Variants in TLK2 observed in about 807,000 individuals in gnomAD.
TLK2 encodes tousled like kinase 2, also known as serine/threonine-protein kinase tousled-like 2.
Under a neutral mutation model 117.3 loss-of-function variants are expected in TLK2, and 6 were observed. That is an observed-to-expected ratio of 0.05 (90% CI 0.03 to 0.10). TLK2 has a LOEUF of 0.10. Ranked by LOEUF, TLK2 falls within the 10% of genes least tolerant of loss-of-function variation. The pLI is 1.00. For synonymous variants in TLK2, 257 were observed against 316.7 expected, an observed-to-expected ratio of 0.81 and a Z score of 2.00; for missense variants, 299 against 901.2, an observed-to-expected ratio of 0.33 and a Z score of 8.56.
intron 2 of TLK2, among the ~76,000 whole-genome samples, chr17:62,501,452 G>A (rs575316508): frequency 2.0e-5 from 3 of 152,034 alleles, no homozygotes; most frequent in Non-Finnish European, 2.9e-5. Context: ...AGAAAACAAG[G>A]CCGGGTGAGG....
intron 2 of TLK2, among the ~76,000 whole-genome samples, chr17:62,501,507 C>T (rs2074192626): frequency 6.6e-6 from 1 of 151,874 alleles, no homozygotes; most frequent in South Asian, 2.1e-4. Context: ...CCAAGGTGGG[C>T]CAATTGCTTG....
chr17:62,515,392 T>C (rs2075498781), intron 2 of TLK2, among the ~76,000 whole-genome samples: 1 of 152,246 alleles, frequency 6.6e-6, no homozygotes, highest in Non-Finnish European at 1.5e-5. Context: ...TTTGAGGAAC[T>C]GCCATAGTTT....
At chr17:62,491,356 C>G (rs886185761) in intron 2 of TLK2, among the ~76,000 whole-genome samples, 1 of 152,006 alleles carries the variant, frequency 6.6e-6, no homozygotes, top group African/African-American at 2.4e-5. Context: ...TTAAGAAAGG[C>G]CATGAGAGGG....
chr17:62,599,775 G>A (rs531907087), intron 17 of TLK2, among the ~76,000 whole-genome samples: 11 of 151,972 alleles, frequency 7.2e-5, no homozygotes, highest in Admixed American at 3.9e-4. Flanking sequence ...TTTTTTCCAG[G>A]CTAAACTGAC....
intron 2 of TLK2, among the ~76,000 whole-genome samples, chr17:62,487,365 C>T (rs2072528565): frequency 6.6e-6 from 1 of 150,526 alleles, no homozygotes; most frequent in Non-Finnish European, 1.5e-5. Context: ...GTTAACCGCC[C>T]TAGAAAGACT....
intron 2 of TLK2, among the ~76,000 whole-genome samples, chr17:62,483,520 T>G (rs77895873): frequency 0.013 from 1,944 of 152,380 alleles, 23 homozygotes; most frequent in Non-Finnish European, 0.023. Context: ...TTTGTTTGTT[T>G]TTGAGAGGGT....
At chr17:62,509,669 C>T (rs1430879474) in intron 2 of TLK2, among the ~76,000 whole-genome samples, 3 of 152,106 alleles carry the variant, frequency 2.0e-5, no homozygotes, top group Non-Finnish European at 4.4e-5. Flanking sequence ...TCAGGTGTTG[C>T]CAGTGTATTA....
Position 62,614,956 on chromosome 17 carries a change from G to GT in TLK2, c.*2397dup, listed in dbSNP as rs1295746066. ...CAATGATCTTGCAGTTGATTTGTTTGTTTTTTAATTTTTTAACATTTTTTT... is the reference window on the plus strand; with the variant it reads ...CAATGATCTTGCAGTTGATTTGTTTGTTTTTTTAATTTTTTAACATTTTTTT... On this transcript the variant is annotated 3_prime_UTR_variant, in exon 22 of 22. Coordinates refer to ENST00000346027, the MANE Select transcript of TLK2 (RefSeq NM_006852.6). 1 of 151,998 alleles carries GT rather than the reference G, an allele frequency of 6.6e-6. No individual in the cohort carries two copies. The highest frequency in any genetic ancestry group is 1.5e-5 in the Non-Finnish European group (1 of 67,992). The allele number at this position is 151,998 out of a possible 1,614,324, so 9.4% of individuals were successfully genotyped here.
At position 62,578,464 on chromosome 17, in the gene TLK2, C is replaced by T; in HGVS notation, c.1189-13C>T. The T allele has an allele frequency of 6.2e-7, 1 of 1,611,746 alleles. No homozygotes were observed. Among genetic ancestry groups the T allele is most frequent in the Non-Finnish European group, 8.5e-7 (1 of 1,178,360 alleles). Reference sequence around the variant, plus strand: ...CCCCCTATTTTGTGCTATTTCTTTCCTTTTCGCTTTAGGAGGAAGCAGAGA... The same window carrying T: ...CCCCCTATTTTGTGCTATTTCTTTCTTTTTCGCTTTAGGAGGAAGCAGAGA... On this transcript the variant is annotated splice_polypyrimidine_tract_variant and intron_variant, in intron 13 of 21. Coordinates refer to ENST00000346027, the MANE Select transcript of TLK2 (RefSeq NM_006852.6).
At chr17:62,544,107 G>A (rs2077732214) in intron 7 of TLK2, among the ~76,000 whole-genome samples, 1 of 152,090 alleles carries the variant, frequency 6.6e-6, no homozygotes, top group African/African-American at 2.4e-5. Context: ...CCATTGAACT[G>A]TCGGCACCGT....
rs532431329 is a variant in TLK2 at position 62,502,645 on chromosome 17, A to G, written c.82-18128A>G. Among the ~76,000 whole-genome samples, 67 of 152,368 alleles carry G rather than the reference A, an allele frequency of 4.4e-4. 2 individuals carry two copies. The South Asian group carries it at 0.013, about 30-fold the overall frequency. ...TTGTACACATAGCCTTAAGCAAGCT[A>G]TAAAAAAGCTACTAGAATTTAAGTT... is the stretch of plus-strand genomic sequence containing the variant. On this transcript the variant is annotated intron_variant, in intron 2 of 21. Transcript: ENST00000346027.
At chr17:62,526,080 T>G (rs1240758933) in intron 6 of TLK2, among the ~76,000 whole-genome samples, 1 of 152,232 alleles carries the variant, frequency 6.6e-6, no homozygotes, top group African/African-American at 2.4e-5. Context: ...CTCAATGATC[T>G]GTAGACATTT....
chr17:62,524,527 A>G (rs1360318598), intron 6 of TLK2, among the ~76,000 whole-genome samples, 196 bp downstream of exon 6: 2 of 152,204 alleles, frequency 1.3e-5, no homozygotes, highest in Non-Finnish European at 2.9e-5. Flanking sequence ...AGAAGAGCCA[A>G]TCCTAATATC....
intron 9 of TLK2, among the ~76,000 whole-genome samples, chr17:62,557,978 G>C (rs1336961208): frequency 1.3e-5 from 2 of 152,150 alleles, no homozygotes; most frequent in Non-Finnish European, 2.9e-5. Flanking sequence ...GGAAGACACA[G>C]AGGGCAGCTG....
rs145801709 is a variant in TLK2, at chr17:62,581,131, A to G, written c.1368+939A>G. Among the ~76,000 whole-genome samples, 528 of 152,020 alleles carry G rather than the reference A, an allele frequency of 3.5e-3. 6 individuals are homozygous for G. The highest frequency in any genetic ancestry group is 0.012 in the African/African-American group (512 of 41,464). On this transcript the variant is annotated intron_variant, in intron 15 of 21. Transcript: ENST00000346027. Reference sequence around the variant, plus strand: ...GGGCACAAGCAAGCCTCCTGCCTCAACCTCTTGAGTAGCTGGGACTACAGG... The same window carrying G: ...GGGCACAAGCAAGCCTCCTGCCTCAGCCTCTTGAGTAGCTGGGACTACAGG...
intron 2 of TLK2, among the ~76,000 whole-genome samples, chr17:62,487,480 T>C (rs9675107): frequency 1 from 148,125 of 148,126 alleles, 74,062 homozygotes; most frequent in Middle Eastern, 1. Context: ...GATCGCGCCA[T>C]TGCGCTCCAG....
At chr17:62,554,863 C>G (rs2078728792) in intron 9 of TLK2, among the ~76,000 whole-genome samples, 1 of 133,908 alleles carries the variant, frequency 7.5e-6, no homozygotes, top group South Asian at 2.4e-4. Context: ...GACAACAGAG[C>G]AAGACCCTGC....
chr17:62,515,230 T>C (rs991234776), intron 2 of TLK2, among the ~76,000 whole-genome samples: 2 of 152,214 alleles, frequency 1.3e-5, no homozygotes, highest in African/African-American at 2.4e-5. Context: ...CATTCATATG[T>C]TGATGGATAT....
chr17:62,499,477 A>G (rs575681605), intron 2 of TLK2, among the ~76,000 whole-genome samples: 155 of 152,040 alleles, frequency 1.0e-3, no homozygotes, highest in African/African-American at 3.5e-3. Context: ...TTTTTTACCT[A>G]CTAATCGTGC....
Sources: allele counts gnomAD v4.1 joint callset (sites outside exome capture counted in the v4.1 genomes callset), GRCh38; gene constraint gnomAD v4.1.1; transcripts MANE v1.5; gene names NCBI Gene and HGNC (gene_info 2026-07-23, HGNC 2026-07-21).